The following TTC17 variants were observed in gnomAD, a reference collection of about 807,000 sequenced individuals.
TTC17 encodes tetratricopeptide repeat domain 17, also known as tetratricopeptide repeat protein 17.
TTC17 carries 58 observed loss-of-function variants against 143.8 expected under a neutral mutation model. The observed-to-expected ratio is 0.40, with a 90% CI of 0.33 to 0.50. The LOEUF is 0.50. Ranked by LOEUF, TTC17 falls within the 20% of genes least tolerant of loss-of-function variation. TTC17 has a pLI of 0.49. For synonymous variants in TTC17, 501 were observed against 497.8 expected, an observed-to-expected ratio of 1.01 and a Z score of -0.09; for missense variants, 1,273 against 1,392.5, an observed-to-expected ratio of 0.91 and a Z score of 1.37.
chr11:43,447,747 T>A, intron 18 of TTC17: 1 of 364,920 alleles, frequency 2.7e-6, no homozygotes, highest in Non-Finnish European at 4.9e-6. Context: ...TTATTTCATG[T>A]TGATCAATCT....
chr11:43,417,433 G>C (rs1350455170), intron 16 of TTC17, among the ~76,000 whole-genome samples: 1 of 152,168 alleles, frequency 6.6e-6, no homozygotes, highest in Non-Finnish European at 1.5e-5. Flanking sequence ...TCTGTTTCAA[G>C]TATTTATTAT....
At chr11:43,403,706 TTAACC>T (rs1204185450) in intron 10 of TTC17, among the ~76,000 whole-genome samples, 7 of 128,126 alleles carry the variant, frequency 5.5e-5, no homozygotes, top group African/African-American at 1.8e-4. Flanking sequence ...TAGCTAATTA[TTAACC>T]TAAAGAGACT....
At chr11:43,453,147 A>G (rs907732486) in intron 21 of TTC17, among the ~76,000 whole-genome samples, 1 of 146,962 alleles carries the variant, frequency 6.8e-6, no homozygotes, top group Non-Finnish European at 1.5e-5. Context: ...ACAGAAAGGG[A>G]CATAGAGGAC....
chr11:43,407,544 G>A lies in TTC17; in HGVS notation c.2031G>A (p.Leu677=), dbSNP rs1431905086. 1 of 1,613,938 alleles carries A rather than the reference G, an allele frequency of 6.2e-7. No homozygotes were observed. Among genetic ancestry groups the A allele is most frequent in the South Asian group, 1.1e-5 (1 of 91,074 alleles). The change falls in exon 15 of 24, where the codon CTG becomes CTA. Residue 677 remains leucine, a synonymous_variant. Coordinates refer to ENST00000039989, the MANE Select transcript of TTC17 (RefSeq NM_018259.6). ...HYGLHLDATK[L]LLQALAINSS... ...GCCTTCATCTTGATGCCACTAAGCT[G>A]CTACTTCAAGCTTTGGCCATCAATA...
chr11:43,420,335 G>A (rs1946872180), intron 16 of TTC17, among the ~76,000 whole-genome samples: 1 of 152,040 alleles, frequency 6.6e-6, no homozygotes, highest in South Asian at 2.1e-4. Context: ...TAGATACCTG[G>A]GACATTTTAT....
rs554794883 is a variant in TTC17 at position 43,493,812 on chromosome 11, T to C, written c.3334T>C (p.Leu1112=). The C allele has an allele frequency of 9.3e-6, 15 of 1,614,104 alleles. No homozygotes were observed. Among genetic ancestry groups the C allele is most frequent in the South Asian group, 8.8e-5 (8 of 91,078 alleles). The change falls in exon 24 of 24, where the codon TTG becomes CTG. Residue 1112 remains leucine (L), a synonymous_variant. Coordinates refer to ENST00000039989, the MANE Select transcript of TTC17 (RefSeq NM_018259.6). ...AGCACTGGTGTGGTATGAATCCACATTGAAGCTTCAGCCCGAGTTTGTCCC... is the reference window on the plus strand; with the variant it reads ...AGCACTGGTGTGGTATGAATCCACACTGAAGCTTCAGCCCGAGTTTGTCCC... ...EKALVWYEST[L]KLQPEFVPAK...
chr11:43,443,917 T>G, intron 17 of TTC17, 139 bp from the exon 18 acceptor site: 1 of 1,024,600 alleles, frequency 9.8e-7, no homozygotes, highest in Non-Finnish European at 1.4e-6. Flanking sequence ...CCATTTTTTA[T>G]TTAGGTCTTT....
intron 21 of TTC17, among the ~76,000 whole-genome samples, chr11:43,455,705 T>G (rs1947749948): frequency 6.6e-6 from 1 of 152,082 alleles, no homozygotes; most frequent in African/African-American, 2.4e-5. Flanking sequence ...TCAGAAAGAT[T>G]GCCATAGAAG....
At chr11:43,433,262 G>A (rs1288294309) in intron 16 of TTC17, among the ~76,000 whole-genome samples, 2 of 152,196 alleles carry the variant, frequency 1.3e-5, no homozygotes, top group Non-Finnish European at 2.9e-5. Context: ...GCCTCCCAAA[G>A]TGCTGGAATT....
chr11:43,385,437 AT>A (rs1472705294), intron 2 of TTC17, among the ~76,000 whole-genome samples: 3 of 152,212 alleles, frequency 2.0e-5, no homozygotes, highest in Admixed American at 1.3e-4. Context: ...GAAAACACAA[AT>A]TTTTGAAAAT....
chr11:43,461,930 G>C (rs1947874965), intron 21 of TTC17, among the ~76,000 whole-genome samples: 1 of 152,048 alleles, frequency 6.6e-6, no homozygotes, highest in African/African-American at 2.4e-5. Flanking sequence ...AAGGAAAATG[G>C]AATCATGTAG....
At chr11:43,436,394 TTAGG>T (rs1947293667) in intron 16 of TTC17, 1 of 1,221,952 alleles carries the variant, frequency 8.2e-7, no homozygotes, top group African/African-American at 1.6e-5. Flanking sequence ...AGCTTTAAGC[TTAGG>T]CTTTTCTCTA....
chr11:43,418,029 C>CTA (rs1434847644), intron 16 of TTC17, among the ~76,000 whole-genome samples: 2 of 152,120 alleles, frequency 1.3e-5, no homozygotes, highest in Non-Finnish European at 2.9e-5. Context: ...CTTGGAATGC[C>CTA]TATGCAGGTA....
chr11:43,386,100 G>C (rs1323395469), intron 2 of TTC17, among the ~76,000 whole-genome samples: 1 of 151,450 alleles, frequency 6.6e-6, no homozygotes, highest in Non-Finnish European at 1.5e-5. Context: ...AATGGGGAAA[G>C]GATAGACTTT....
rs1416963823 is a variant in TTC17, at chr11:43,405,891, C to G, written c.1701C>G (p.Val567=). The change falls in exon 13 of 24, where the codon GTC becomes GTG. Residue 567 remains valine (V), a synonymous_variant. Coordinates refer to ENST00000039989, the MANE Select transcript of TTC17 (RefSeq NM_018259.6). ...AAAGCCACACTCTGTCCTACTTAGT[C>G]AAAGAATTAGAGGTTCGCATGGATC... ...FRKSHTLSYL[V]KELEVRMDLK... 9 of 1,613,834 alleles carry G rather than the reference C, an allele frequency of 5.6e-6. No individual in the cohort carries two copies. Among genetic ancestry groups the G allele is most frequent in the East Asian group, 2.2e-5 (1 of 44,898 alleles).
chr11:43,401,839 A>G (rs1178858043), intron 10 of TTC17, among the ~76,000 whole-genome samples: 1 of 151,866 alleles, frequency 6.6e-6, no homozygotes, highest in Non-Finnish European at 1.5e-5. Flanking sequence ...TTGGCCAGGT[A>G]TGGTGGCATG....
chr11:43,359,233 G>T (rs1219846455), intron 1 of TTC17, 120 bp downstream of exon 1: 3 of 1,278,632 alleles, frequency 2.3e-6, no homozygotes, highest in Non-Finnish European at 3.1e-6. Context: ...TCACAGGGAG[G>T]TGGCACCGCG....
intron 18 of TTC17, chr11:43,447,799 A>G (rs916264030): frequency 2.0e-5 from 11 of 539,954 alleles, no homozygotes; most frequent in Admixed American, 7.1e-5. Context: ...TTCTCCACCT[A>G]TCTTTACTCA....
In TTC17 at chr11:43,492,149, G is replaced by A. The variant is rs1275227015; in HGVS notation, c.3280G>A (p.Val1094Ile). Residue 1094 changes from valine (V) to isoleucine (I), a missense_variant, in exon 23 of 24, where the codon GTC becomes ATC. Physicochemically the swap from Val to Ile is conservative, Grantham distance 29. Transcript: ENST00000039989. ...FAVNHFTLGNVYVAMEEFEKA... is the reference protein window; with the variant it reads ...FAVNHFTLGNIYVAMEEFEKA... ...TGTGAACCACTTCACTCTGGGCAAT[G>A]TCTACGTGGCAATGGTGAGATGGGG... is the stretch of plus-strand genomic sequence containing the variant. 3.1e-6 allele frequency: 5 copies of A among 1,614,048 alleles called. No individual in the cohort carries two copies. Among genetic ancestry groups the A allele is most frequent in the African/African-American group, 1.3e-5 (1 of 75,038 alleles).
Sources: allele counts gnomAD v4.1 joint callset (sites outside exome capture counted in the v4.1 genomes callset), GRCh38; gene constraint gnomAD v4.1.1; transcripts MANE v1.5; gene names NCBI Gene and HGNC (gene_info 2026-07-23, HGNC 2026-07-21).